The following LRP1B variants were observed in gnomAD, a reference collection of about 807,000 sequenced individuals.
The protein encoded by LRP1B is low-density lipoprotein receptor-related protein 1B.
LRP1B carries 217 observed loss-of-function variants against 556.6 expected under a neutral mutation model. That is an observed-to-expected ratio of 0.39 (90% CI 0.35 to 0.44). LRP1B has a LOEUF of 0.44. Among genes scored for constraint, LRP1B ranks in the 20% least tolerant of loss-of-function variants. The probability of loss-of-function intolerance (pLI) is 1.00; values close to 1 mark genes in which losing one functional copy is unlikely to be tolerated. For synonymous variants in LRP1B, 2,047 were observed against 1,865.8 expected (o/e 1.10, Z -2.50); for missense variants, 5,053 against 5,620.8 (o/e 0.90, Z 3.23).
chr2:140,514,880 A>T, intron 50 of LRP1B, 108 bp from the exon 51 acceptor site: 2 of 1,073,556 alleles, frequency 1.9e-6, no homozygotes, highest in Non-Finnish European at 2.5e-6. Context: ...ACAATCCTAT[A>T]ATAAAAGAAG....
At chr2:140,499,233 C>T (rs1177824770) in intron 55 of LRP1B, among the ~76,000 whole-genome samples, 1 of 151,840 alleles carries the variant, frequency 6.6e-6, no homozygotes, top group African/African-American at 2.4e-5. Flanking sequence ...TATGGTATGG[C>T]TGTGTGCTAA....
intron 2 of LRP1B, among the ~76,000 whole-genome samples, chr2:141,792,722 A>G (rs888426303): frequency 1.3e-5 from 2 of 152,028 alleles, no homozygotes; most frequent in African/African-American, 2.4e-5. Context: ...TGACACACAA[A>G]TCAGAACCAC....
At chr2:141,218,100 A>G (rs300375) in intron 6 of LRP1B, among the ~76,000 whole-genome samples, 16,928 of 150,884 alleles carry the variant, frequency 0.11, 1,063 homozygotes, top group South Asian at 0.19. Context: ...GAGATTGAAG[A>G]AAAAAAAGGA....
intron 1 of LRP1B, among the ~76,000 whole-genome samples, chr2:142,118,140 T>A (rs1275774492): frequency 6.6e-6 from 1 of 151,926 alleles, no homozygotes; most frequent in East Asian, 1.9e-4. Flanking sequence ...TTTATATGAT[T>A]TTTTTTTCTT....
rs1488089248 is a variant in LRP1B, at chr2:141,049,074, G to A, written c.1701C>T (p.Thr567=). 1.2e-6 allele frequency: 2 copies of A among 1,613,586 alleles called. No homozygotes were observed. Among genetic ancestry groups the A allele is most frequent in the Non-Finnish European group, 1.7e-6 (2 of 1,179,702 alleles). ...TGGTGTCAGCAAAGTAGATGTAATT[G>A]GTTTCTGCGTGAAAGTCTAAAGCAC... The part of the protein sequence containing the change: ...NPRALDFHAE[T]NYIYFADTTS... Residue 567 remains threonine (T), a synonymous_variant, in exon 11 of 91, where the codon ACC becomes ACT. Transcript: ENST00000389484.
intron 41 of LRP1B, among the ~76,000 whole-genome samples, chr2:140,631,404 C>T (rs1251398336): frequency 6.6e-6 from 1 of 152,102 alleles, no homozygotes; most frequent in Non-Finnish European, 1.5e-5. Context: ...GTTAAAGTCT[C>T]TAATGAAAAA....
chr2:141,722,573 A>C (rs1488559020), intron 2 of LRP1B, among the ~76,000 whole-genome samples: 1 of 152,150 alleles, frequency 6.6e-6, no homozygotes. Flanking sequence ...GTAACTGATA[A>C]AACTATGTAA....
chr2:142,017,245 G>A (rs1030098023), intron 1 of LRP1B, among the ~76,000 whole-genome samples: 3 of 152,112 alleles, frequency 2.0e-5, no homozygotes, highest in African/African-American at 7.2e-5. Context: ...CCATAATTGA[G>A]TATATGTCCT....
chr2:142,036,213 C>A (rs961135179), intron 1 of LRP1B, among the ~76,000 whole-genome samples: 1 of 151,658 alleles, frequency 6.6e-6, no homozygotes, highest in Non-Finnish European at 1.5e-5. Context: ...TGTTATTTTC[C>A]TCCTCAGGAA....
chr2:140,431,610 G>A (rs7596992), intron 66 of LRP1B, among the ~76,000 whole-genome samples: 14,687 of 152,146 alleles, frequency 0.097, 857 homozygotes, highest in Non-Finnish European at 0.12. Context: ...CTTTGCTGGC[G>A]GGACTATGCT....
intron 7 of LRP1B, among the ~76,000 whole-genome samples, chr2:141,181,742 T>C (rs926219693): frequency 6.6e-6 from 1 of 151,878 alleles, no homozygotes; most frequent in African/African-American, 2.4e-5. Context: ...GCTAAGCACA[T>C]TGTAATAGAG....
intron 68 of LRP1B, among the ~76,000 whole-genome samples, chr2:140,374,147 A>G (rs1369713170): frequency 1.3e-5 from 2 of 152,206 alleles, no homozygotes; most frequent in African/African-American, 4.8e-5. Flanking sequence ...GATAAATGAA[A>G]TGGAGTCACT....
Position 140,543,373 on chromosome 2 carries a change from G to T in LRP1B, c.7195-1402C>A, listed in dbSNP as rs539971836. ...GCGAAATCAGTAAAACTAAAAACTG[G>T]GTTTTTTTATGTCAATAAAATGGTT... On this transcript the variant is annotated intron_variant, in intron 43 of 90. Coordinates refer to ENST00000389484, the MANE Select transcript of LRP1B (RefSeq NM_018557.3). 2.7e-5 allele frequency among the ~76,000 whole-genome samples: 3 copies of T among 110,260 alleles called. No individual in the cohort carries two copies. The South Asian group carries it at 1.1e-3, about 41-fold the overall frequency. 72.3% of individuals were successfully genotyped at this position (110,260 alleles called of 152,430 possible).
intron 18 of LRP1B, among the ~76,000 whole-genome samples, chr2:140,952,166 G>T (rs1263266163): frequency 6.6e-6 from 1 of 152,082 alleles, no homozygotes; most frequent in African/African-American, 2.4e-5. Flanking sequence ...AAGCCTAGGA[G>T]AATTATTTTA....
intron 5 of LRP1B, among the ~76,000 whole-genome samples, chr2:141,232,595 T>G (rs1232292936): frequency 2.6e-5 from 4 of 152,216 alleles, no homozygotes; most frequent in Non-Finnish European, 5.9e-5. Context: ...TTGACAGAAT[T>G]AGTCAACTTA....
At chr2:140,912,014 A>T (rs1694433554) in intron 21 of LRP1B, among the ~76,000 whole-genome samples, 1 of 151,882 alleles carries the variant, frequency 6.6e-6, no homozygotes, top group South Asian at 2.1e-4. Context: ...GTCACCAGAG[A>T]TATGAATAAA....
chr2:141,183,293 T>C (rs1251360296), intron 7 of LRP1B, among the ~76,000 whole-genome samples: 1 of 152,040 alleles, frequency 6.6e-6, no homozygotes. Context: ...CAAAACCTTT[T>C]ACGTGTGTAG....
chr2:140,498,903 G>A lies in LRP1B; in HGVS notation c.8850+2784C>T, dbSNP rs533534590. Among the ~76,000 whole-genome samples the A allele has an allele frequency of 1.7e-3, 261 of 151,878 alleles. 2 individuals are homozygous for A. Among genetic ancestry groups the A allele is most frequent in the African/African-American group, 5.6e-3 (232 of 41,490 alleles). On this transcript the variant is annotated intron_variant, in intron 55 of 90. Transcript: ENST00000389484. ...GATTCTGGTCTCATCCTGAATGTTT[G>A]TACAAGTCATATTTCCATCAATAGG... is the stretch of plus-strand genomic sequence containing the variant.
At chr2:142,061,687 T>C (rs989788564) in intron 1 of LRP1B, among the ~76,000 whole-genome samples, 2 of 151,970 alleles carry the variant, frequency 1.3e-5, no homozygotes, top group Non-Finnish European at 2.9e-5. Flanking sequence ...GAATCAAAAT[T>C]TAATCAATTC....
Sources: gnomAD v4.1 joint callset for allele counts (sites outside exome capture counted in the v4.1 genomes callset) on GRCh38, gnomAD v4.1.1 for gene constraint, MANE v1.5 for transcripts, NCBI Gene and HGNC (gene_info 2026-07-23, HGNC 2026-07-21) for gene names.